The following KCNAB2 variants were observed in gnomAD, a reference collection of about 807,000 sequenced individuals.
KCNAB2 encodes voltage-gated potassium channel subunit beta-2.
In KCNAB2, 29 loss-of-function variants were observed where a neutral mutation model predicts 63.6. The ratio of observed to expected loss-of-function variants is 0.46; its 90% CI spans 0.34 to 0.62. KCNAB2 has a LOEUF of 0.62. KCNAB2 is among the 20% of genes least tolerant of loss of function. The pLI is 0.01. For synonymous variants in KCNAB2, 222 were observed against 224.2 expected (o/e 0.99, Z 0.09); for missense variants, 359 against 563.9 (o/e 0.64, Z 3.68).
chr1:6,045,895 C>T lies in KCNAB2; in HGVS notation c.-315C>T. On this transcript the variant is annotated 5_prime_UTR_variant, in exon 1 of 16. Transcript: ENST00000378083. The surrounding 1 kb of genome is among the most constrained non-coding windows in gnomAD (Gnocchi z 4.8). ...CCAACCCCACGCACCGGGAGTCAGC[C>T]TTGCCAGGTTGCAGCACGGAACTGC... is the stretch of plus-strand genomic sequence containing the variant. 1 of 985,472 alleles carries T rather than the reference C, an allele frequency of 1.0e-6. No individual in the cohort carries two copies. Among genetic ancestry groups the T allele is most frequent in the South Asian group, 4.7e-5 (1 of 21,290 alleles). 61.0% of individuals were successfully genotyped at this position (985,472 alleles called of 1,614,324 possible).
At chr1:6,067,479 A>G (rs987354803) in intron 2 of KCNAB2, among the ~76,000 whole-genome samples, 6 of 152,086 alleles carry the variant, frequency 3.9e-5, no homozygotes, top group African/African-American at 1.2e-4. Context: ...TACAAAACCA[A>G]TGCCTGAGAG....
intron 2 of KCNAB2, among the ~76,000 whole-genome samples, chr1:6,062,837 T>C (rs1440195692): frequency 6.6e-6 from 1 of 152,168 alleles, no homozygotes; most frequent in Non-Finnish European, 1.5e-5. Context: ...GCCATACAAT[T>C]CATTTAATGC....
At chr1:5,997,343 A>AG (rs1173351788) in intron 1 of KCNAB2, among the ~76,000 whole-genome samples, 1 of 152,116 alleles carries the variant, frequency 6.6e-6, no homozygotes, top group Non-Finnish European at 1.5e-5. Flanking sequence ...GAAGGGGAAG[A>AG]GAGGGCAGGA....
chr1:6,085,031 C>G (rs1379855455), intron 5 of KCNAB2, among the ~76,000 whole-genome samples, 173 bp from the exon 6 acceptor site: 1 of 152,198 alleles, frequency 6.6e-6, no homozygotes, highest in Non-Finnish European at 1.5e-5. Flanking sequence ...CCCACTCCCT[C>G]GGGCCAACCC....
intron 1 of KCNAB2, among the ~76,000 whole-genome samples, chr1:6,051,059 G>A (rs1174324859): frequency 1.3e-5 from 2 of 152,220 alleles, no homozygotes; most frequent in East Asian, 3.9e-4. Context: ...TGCTTTCCCA[G>A]GGACAGCTTT....
intron 2 of KCNAB2, among the ~76,000 whole-genome samples, chr1:6,066,013 T>A (rs573416020): frequency 2.0e-5 from 3 of 152,324 alleles, no homozygotes; most frequent in East Asian, 1.9e-4. Flanking sequence ...AGATGGCTCC[T>A]GAGCCCAAGG....
chr1:6,073,709 T>C lies in KCNAB2; in HGVS notation c.263-24T>C. On this transcript the variant is annotated intron_variant, in intron 3 of 15. Transcript: ENST00000378083. The surrounding 1 kb of genome is among the most constrained non-coding windows in gnomAD (Gnocchi z 5.7). ...TCTGGCTTCCTGCCAGGTTCCTAAC[T>C]TGAGCCCCTGTGTCTCCTTCCAGGA... 1 of 1,613,902 alleles carries C rather than the reference T, an allele frequency of 6.2e-7. No individual in the cohort carries two copies. The highest frequency in any genetic ancestry group is 8.5e-7 in the Non-Finnish European group (1 of 1,179,764).
chr1:6,040,647 T>G lies in KCNAB2; in HGVS notation c.77+2T>G. ...GGGCTCCCCCGGGATGATCTACAGG[T>G]GACCCCCTGCCCCCTCACCCAGGCC... On this transcript the variant is annotated splice_donor_variant, in intron 2 of 15. Coordinates refer to the KCNAB2 transcript ENST00000164247. LOFTEE classifies it high-confidence loss of function. 6.2e-7 allele frequency: 1 copy of G among 1,607,918 alleles called. No individual in the cohort carries two copies. Among genetic ancestry groups the G allele is most frequent in the Non-Finnish European group, 8.5e-7 (1 of 1,174,756 alleles).
chr1:6,007,977 A>C (rs562398673), intron 1 of KCNAB2, among the ~76,000 whole-genome samples: 4 of 152,130 alleles, frequency 2.6e-5, no homozygotes, highest in Admixed American at 6.5e-5. Flanking sequence ...CCCTCAGTTC[A>C]AAGTGGCCTG....
chr1:6,002,599 C>T (rs185047271), intron 1 of KCNAB2, among the ~76,000 whole-genome samples: 192 of 152,326 alleles, frequency 1.3e-3, no homozygotes, highest in African/African-American at 4.4e-3. Context: ...TTTTTACAAA[C>T]GAGGCACTTA....
At chr1:6,020,646 C>T (rs1227909166) in intron 1 of KCNAB2, among the ~76,000 whole-genome samples, 1 of 152,216 alleles carries the variant, frequency 6.6e-6, no homozygotes, top group African/African-American at 2.4e-5. Context: ...GTATCTACCA[C>T]ATTTTTAAAA....
chr1:6,084,605 G>T (rs958841699), intron 5 of KCNAB2, among the ~76,000 whole-genome samples: 1 of 151,936 alleles, frequency 6.6e-6, no homozygotes, highest in African/African-American at 2.4e-5. Flanking sequence ...CACTCGAGAT[G>T]AGGAGTTCGA....
chr1:6,052,576 G>T (rs1264366453), intron 2 of KCNAB2, among the ~76,000 whole-genome samples: 4 of 152,132 alleles, frequency 2.6e-5, no homozygotes, highest in African/African-American at 7.2e-5. Flanking sequence ...ACCTCCAAAG[G>T]ACATTCTTTT....
rs201593543 is a variant in KCNAB2 at position 6,087,529 on chromosome 1, C to T, written c.470+18C>T. Reference sequence around the variant, plus strand: ...GGCGGAAAGTAGGTGCAACAGCTGGCGATGCTTCCAGCCCCGGCCCAGCAG... The same window carrying T: ...GGCGGAAAGTAGGTGCAACAGCTGGTGATGCTTCCAGCCCCGGCCCAGCAG... On this transcript the variant is annotated intron_variant, in intron 7 of 15. Transcript: ENST00000378083. This position sits in a 1 kb window ranked among gnomAD's most constrained non-coding sequence, Gnocchi z 6.4. 389 of 1,613,706 alleles carry T rather than the reference C, an allele frequency of 2.4e-4. 1 individual carries two copies. In the East Asian group the frequency reaches 8.0e-3, roughly 33 times the overall value.
rs888419867 is a variant in KCNAB2, at chr1:6,071,638, G to A, written c.219-1117G>A. ...TCACGACAAGCAAGGCGCCTGCTGC[G>A]TAGGGCACCTGCCGCTTAGGACTCC... On this transcript the variant is annotated intron_variant, in intron 2 of 15. Coordinates refer to ENST00000378083, the MANE Select transcript of KCNAB2 (RefSeq NM_001199862.2). This position sits in a 1 kb window ranked among gnomAD's most constrained non-coding sequence, Gnocchi z 8.5. Among the ~76,000 whole-genome samples, 9 of 152,168 alleles carry A rather than the reference G, an allele frequency of 5.9e-5. No homozygotes were observed. The highest frequency in any genetic ancestry group is 6.5e-5 in the Admixed American group (1 of 15,276).
At chr1:6,026,881 TCGGGAGGCC>T (rs1659221854) in intron 1 of KCNAB2, among the ~76,000 whole-genome samples, 1 of 152,098 alleles carries the variant, frequency 6.6e-6, no homozygotes, top group Admixed American at 6.5e-5. Context: ...CTGCTGTCTC[TCGGGAGGCC>T]CTGGCCTGGG....
chr1:6,088,976 G>T (rs1451961170), intron 7 of KCNAB2, 32 bp from the exon 8 acceptor site: 4 of 1,547,444 alleles, frequency 2.6e-6, no homozygotes, highest in Non-Finnish European at 3.5e-6. Flanking sequence ...AAAACCGCTG[G>T]TGACATCACA....
chr1:6,000,560 G>A (rs541408133), intron 1 of KCNAB2, among the ~76,000 whole-genome samples: 43 of 151,866 alleles, frequency 2.8e-4, no homozygotes, highest in East Asian at 1.6e-3. Flanking sequence ...TGGGGCAGGC[G>A]AGCCCGCTCC....
chr1:6,096,774 A>T lies in KCNAB2; in HGVS notation c.1069+18A>T. The T allele has an allele frequency of 6.4e-7, 1 of 1,556,732 alleles. No homozygotes were observed. Among genetic ancestry groups the T allele is most frequent in the Non-Finnish European group, 8.7e-7 (1 of 1,148,764 alleles). On this transcript the variant is annotated intron_variant, in intron 14 of 15. Coordinates refer to ENST00000378083, the MANE Select transcript of KCNAB2 (RefSeq NM_001199862.2). This position sits in a 1 kb window ranked among gnomAD's most constrained non-coding sequence, Gnocchi z 5.9. ...GGCCATAGGTAACGGTGGGGTCGCCATGGGGCCAGTGCCCCTGGGGAGAAC... is the reference window on the plus strand; with the variant it reads ...GGCCATAGGTAACGGTGGGGTCGCCTTGGGGCCAGTGCCCCTGGGGAGAAC...
Sources: gnomAD v4.1 joint callset for allele counts (sites outside exome capture counted in the v4.1 genomes callset) on GRCh38, gnomAD v4.1.1 for gene constraint, Gnocchi (gnomAD v3.1) non-coding constraint, MANE v1.5 for transcripts, NCBI Gene and HGNC (gene_info 2026-07-23, HGNC 2026-07-21) for gene names.